SNX30: variants seen among roughly 807,000 people sequenced by gnomAD.
SNX30 encodes sorting nexin family member 30.
SNX30 carries 24 observed loss-of-function variants against 46.4 expected under a neutral mutation model. That is an observed-to-expected ratio of 0.52 (90% CI 0.37 to 0.73). The LOEUF is 0.73. SNX30 is among the 30% of genes least tolerant of loss of function. The pLI is 0.00. For synonymous variants in SNX30, 189 were observed against 211.5 expected, an observed-to-expected ratio of 0.89 and a Z score of 0.92; for missense variants, 533 against 555.7, an observed-to-expected ratio of 0.96 and a Z score of 0.41.
intron 1 of SNX30, among the ~76,000 whole-genome samples, chr9:112,758,230 G>C (rs1179639228): frequency 6.6e-6 from 1 of 152,020 alleles, no homozygotes; most frequent in African/African-American, 2.4e-5. Flanking sequence ...CCATCCTCTT[G>C]GAGACCCTGC....
intron 1 of SNX30, among the ~76,000 whole-genome samples, chr9:112,759,227 C>T (rs943521189): frequency 2.0e-5 from 3 of 152,162 alleles, no homozygotes; most frequent in African/African-American, 7.2e-5. Context: ...GTTTGCGGCC[C>T]TTGCTTCCAC....
intron 2 of SNX30, among the ~76,000 whole-genome samples, chr9:112,816,450 A>G (rs942951063): frequency 1.3e-5 from 2 of 152,194 alleles, no homozygotes; most frequent in Admixed American, 6.5e-5. Context: ...CATTGAGTGA[A>G]TTTCCCCACA....
chr9:112,804,608 G>A lies in SNX30; in HGVS notation c.157-168G>A, dbSNP rs146581775. On this transcript the variant is annotated intron_variant, in intron 1 of 8. Coordinates refer to ENST00000374232, the MANE Select transcript of SNX30 (RefSeq NM_001012994.2). ...CTACCATAGTTTGTTTCTCTTGGTC[G>A]TAAAAGATTTGTTCACTCAAGAAAC... 5.6e-4 allele frequency among the ~76,000 whole-genome samples: 85 copies of A among 152,340 alleles called. 1 individual carries two copies. The East Asian group carries it at 0.012, about 22-fold the overall frequency.
At chr9:112,763,360 CTTTTTTTTT>C (rs751720343) in intron 1 of SNX30, among the ~76,000 whole-genome samples, 9 of 47,588 alleles carry the variant, frequency 1.9e-4, no homozygotes, top group African/African-American at 6.7e-4. Context: ...GCTATTTAAA[CTTTTTTTTT>C]TTTTTTTTTT....
intron 5 of SNX30, 124 bp downstream of exon 5, chr9:112,836,533 T>C (rs1840754057): frequency 9.4e-7 from 1 of 1,064,798 alleles, no homozygotes; most frequent in South Asian, 1.9e-5. Flanking sequence ...ATCTTTTGCT[T>C]ATCAAAGAAA....
chr9:112,866,975 T>TCAGAACTCCTCCCCCC (rs1564297911), intron 8 of SNX30, among the ~76,000 whole-genome samples: 2 of 5,832 alleles, frequency 3.4e-4, no homozygotes, highest in Middle Eastern at 0.083. Context: ...CTCCTCCTCC[T>TCAGAACTCCTCCCCCC]TCCTCAGAAT....
intron 3 of SNX30, among the ~76,000 whole-genome samples, chr9:112,826,428 T>C (rs771353423): frequency 2.0e-5 from 3 of 152,110 alleles, no homozygotes; most frequent in Non-Finnish European, 2.9e-5. Context: ...GGAGAAGATA[T>C]AAGGTCAAGG....
intron 3 of SNX30, among the ~76,000 whole-genome samples, chr9:112,827,737 G>A (rs1840599531): frequency 6.6e-6 from 1 of 152,108 alleles, no homozygotes; most frequent in Non-Finnish European, 1.5e-5. Context: ...CATATTATGG[G>A]GGTTTGAGGA....
chr9:112,853,484 G>A (rs1306101795), intron 7 of SNX30, among the ~76,000 whole-genome samples: 1 of 152,216 alleles, frequency 6.6e-6, no homozygotes, highest in Non-Finnish European at 1.5e-5. Context: ...AATGACATAG[G>A]ATGATTTATT....
Position 112,754,960 on chromosome 9 carries a change from A to G in SNX30, c.156+3803A>G, listed in dbSNP as rs117219732. Among the ~76,000 whole-genome samples, 1,158 of 152,278 alleles carry G rather than the reference A, an allele frequency of 7.6e-3. 15 individuals carry two copies. The highest frequency in any genetic ancestry group is 0.023 in the South Asian group (111 of 4,826). On this transcript the variant is annotated intron_variant, in intron 1 of 8. Transcript: ENST00000374232. ...CACTTAGACGTCCTCTGAAGTCTTC[A>G]AAATAGAGAAGGCTTTTCCTCCATC...
At chr9:112,830,698 C>G (rs1004743889) in intron 3 of SNX30, 27 bp from the exon 4 acceptor site, 3 of 1,595,840 alleles carry the variant, frequency 1.9e-6, no homozygotes, top group Middle Eastern at 1.7e-4. Context: ...ATCAATTACT[C>G]TGGTTTTTTT....
chr9:112,754,406 CTTTTTTTTTT>C (rs755479504), intron 1 of SNX30, among the ~76,000 whole-genome samples: 8 of 113,040 alleles, frequency 7.1e-5, no homozygotes, highest in Non-Finnish European at 1.4e-4. Context: ...CTCACTGGGC[CTTTTTTTTTT>C]TTTTTTTTTT....
At chr9:112,819,585 TC>T (rs1474065677) in intron 3 of SNX30, among the ~76,000 whole-genome samples, 4 of 152,146 alleles carry the variant, frequency 2.6e-5, no homozygotes, top group Non-Finnish European at 5.9e-5. Flanking sequence ...TTTTTTCTGT[TC>T]CAGGATCCTA....
At chr9:112,819,266 C>CTTTTTTTTTTTTTTTTTTTTT (rs35138610) in intron 3 of SNX30, among the ~76,000 whole-genome samples, 7 of 116,996 alleles carry the variant, frequency 6.0e-5, no homozygotes, top group Non-Finnish European at 6.7e-5. Context: ...TTCTTTCTTT[C>CTTTTTTTTTTTTTTTTTTTTT]TTTTTTTTTT....
chr9:112,836,163 TGCCC>T, intron 4 of SNX30, 47 bp from the exon 5 acceptor site: 2 of 1,501,324 alleles, frequency 1.3e-6, no homozygotes, highest in Non-Finnish European at 1.8e-6. Flanking sequence ...TATTTAGTCC[TGCCC>T]ATGTGAGTGA....
At chr9:112,755,497 G>A (rs1029865396) in intron 1 of SNX30, among the ~76,000 whole-genome samples, 2 of 151,990 alleles carry the variant, frequency 1.3e-5, no homozygotes, top group African/African-American at 2.4e-5. Flanking sequence ...GGGGTGGGAA[G>A]TTAACATGGG....
intron 4 of SNX30, among the ~76,000 whole-genome samples, chr9:112,835,695 G>T (rs770499331): frequency 6.6e-6 from 1 of 152,080 alleles, no homozygotes. Context: ...AGAAATCCAG[G>T]GTTAAAATGT....
intron 1 of SNX30, among the ~76,000 whole-genome samples, chr9:112,795,520 G>A (rs555809128): frequency 6.6e-6 from 1 of 152,190 alleles, no homozygotes; most frequent in Non-Finnish European, 1.5e-5. Flanking sequence ...GGGTAGCATA[G>A]GAGGGAAGAA....
downstream of SNX30, chr9:112,879,891 G>A: frequency 1.4e-6 from 2 of 1,402,250 alleles, no homozygotes; most frequent in Non-Finnish European, 2.0e-6. Flanking sequence ...GCCCTCACAG[G>A]GTTAATGATA....
Sources: allele counts gnomAD v4.1 joint callset (sites outside exome capture counted in the v4.1 genomes callset), GRCh38; gene constraint gnomAD v4.1.1; transcripts MANE v1.5; gene names NCBI Gene and HGNC (gene_info 2026-07-23, HGNC 2026-07-21).